DPP6: variants seen among roughly 807,000 people sequenced by gnomAD.
DPP6 encodes dipeptidyl peptidase like 6.
Under a neutral mutation model 122.6 loss-of-function variants are expected in DPP6, and 69 were observed. That is an observed-to-expected ratio of 0.56 (90% CI 0.46 to 0.69). The LOEUF (loss-of-function observed/expected upper bound fraction) is 0.69, where lower values mean the gene tolerates loss of function less well. DPP6 is among the 30% of genes least tolerant of loss of function. The pLI is 0.00. For missense variants in DPP6, 928 were observed against 1,116.9 expected (o/e 0.83, Z 2.41); for synonymous variants, 418 against 433.1 (o/e 0.97, Z 0.43).
chr7:153,958,594 C>G (rs1795189996), intron 1 of DPP6, among the ~76,000 whole-genome samples: 1 of 152,142 alleles, frequency 6.6e-6, no homozygotes, highest in Admixed American at 6.5e-5. Context: ...TACACTGATT[C>G]CTGTTGAGTC....
At chr7:154,523,465 A>G (rs1827162365) in intron 3 of DPP6, among the ~76,000 whole-genome samples, 1 of 152,118 alleles carries the variant, frequency 6.6e-6, no homozygotes, top group Non-Finnish European at 1.5e-5. Flanking sequence ...ATACATCCAC[A>G]GGAACATCAT....
chr7:154,795,924 T>C (rs1190406091), intron 12 of DPP6, 41 bp downstream of exon 12: 2 of 1,596,940 alleles, frequency 1.3e-6, no homozygotes, highest in Non-Finnish European at 8.5e-7. Context: ...CACCTCCACC[T>C]GATCCACCCC....
intron 14 of DPP6, 34 bp downstream of exon 14, chr7:154,803,989 T>C (rs1798539781): frequency 6.2e-7 from 1 of 1,606,560 alleles, no homozygotes; most frequent in South Asian, 1.1e-5. Context: ...CCCATCTTAC[T>C]GGCCAATGGG....
chr7:154,389,295 A>G (rs1000495626), intron 1 of DPP6, among the ~76,000 whole-genome samples: 5 of 152,176 alleles, frequency 3.3e-5, no homozygotes, highest in Admixed American at 3.3e-4. Flanking sequence ...TAAGATAAGG[A>G]AGTTTAATGG....
intron 18 of DPP6, among the ~76,000 whole-genome samples, chr7:154,869,358 A>G (rs894895614): frequency 6.6e-6 from 1 of 152,260 alleles, no homozygotes; most frequent in African/African-American, 2.4e-5. Context: ...AGGTCCCCCA[A>G]ACAGTACGTG....
chr7:154,012,785 G>C (rs57516123), intron 1 of DPP6, among the ~76,000 whole-genome samples: 32,356 of 152,052 alleles, frequency 0.21, 3,786 homozygotes, highest in African/African-American at 0.3. Context: ...TTGGCAGTTT[G>C]CTTATCTTTT....
intron 1 of DPP6, among the ~76,000 whole-genome samples, chr7:153,971,043 T>C (rs1401267972): frequency 6.6e-6 from 1 of 152,196 alleles, no homozygotes; most frequent in Non-Finnish European, 1.5e-5. Flanking sequence ...ATATTAAGAT[T>C]GCATTAACTC....
chr7:154,412,158 C>T (rs1289714389), intron 1 of DPP6, among the ~76,000 whole-genome samples: 1 of 152,158 alleles, frequency 6.6e-6, no homozygotes, highest in Non-Finnish European at 1.5e-5. Context: ...GGGTTCTGCC[C>T]TCATGCCCTC....
intron 1 of DPP6, among the ~76,000 whole-genome samples, chr7:153,923,886 A>G (rs1800766301): frequency 6.6e-6 from 1 of 152,030 alleles, no homozygotes; most frequent in Non-Finnish European, 1.5e-5. Flanking sequence ...GGATCCCTTT[A>G]AATATCAAGT....
chr7:154,834,973 A>G (rs574399355), intron 16 of DPP6, among the ~76,000 whole-genome samples: 1 of 152,158 alleles, frequency 6.6e-6, no homozygotes, highest in Non-Finnish European at 1.5e-5. Context: ...TAAGTATGAT[A>G]TGTAAGGGAA....
chr7:154,060,782 G>A (rs10257667), intron 1 of DPP6, among the ~76,000 whole-genome samples: 4,477 of 115,838 alleles, frequency 0.039, 241 homozygotes, highest in African/African-American at 0.067. Context: ...TGGCTCTTAG[G>A]ACGCCCATCA....
chr7:154,792,563 C>T (rs1465552311), intron 10 of DPP6, among the ~76,000 whole-genome samples: 1 of 152,222 alleles, frequency 6.6e-6, no homozygotes, highest in African/African-American at 2.4e-5. Context: ...TAGAATGTTG[C>T]TGGCAGGATG....
At chr7:154,758,373 A>AT (rs10632379) in intron 8 of DPP6, among the ~76,000 whole-genome samples, 5,917 of 143,602 alleles carry the variant, frequency 0.041, 201 homozygotes, top group Middle Eastern at 0.075. Flanking sequence ...GGAAATACAG[A>AT]TTTTTTTTTT....
chr7:154,030,106 G>A, intron 1 of DPP6, among the ~76,000 whole-genome samples: 1 of 152,080 alleles, frequency 6.6e-6, no homozygotes, highest in East Asian at 1.9e-4. Flanking sequence ...TGCAGTGGGA[G>A]GATCACTCCA....
intron 16 of DPP6, among the ~76,000 whole-genome samples, chr7:154,823,606 C>T (rs184147662): frequency 6.6e-6 from 1 of 152,312 alleles, no homozygotes; most frequent in East Asian, 1.9e-4. Context: ...TTGTATGGAT[C>T]TCATCGTGTG....
intron 1 of DPP6, among the ~76,000 whole-genome samples, chr7:154,395,058 C>G (rs1463108114): frequency 6.6e-6 from 1 of 152,156 alleles, no homozygotes; most frequent in African/African-American, 2.4e-5. Flanking sequence ...TTATTTCTCA[C>G]CATTCTGGAG....
chr7:154,262,821 G>A (rs1417567323), intron 1 of DPP6, among the ~76,000 whole-genome samples: 1 of 152,098 alleles, frequency 6.6e-6, no homozygotes, highest in Non-Finnish European at 1.5e-5. Context: ...GCCCAGCTGA[G>A]GATAGCTTCT....
intron 1 of DPP6, among the ~76,000 whole-genome samples, chr7:154,362,804 T>C (rs1016738614): frequency 6.6e-6 from 1 of 152,204 alleles, no homozygotes; most frequent in African/African-American, 2.4e-5. Context: ...GTTATTCTGA[T>C]GAGGCAGCCA....
chr7:154,254,667 G>T (rs1802547273), intron 1 of DPP6, among the ~76,000 whole-genome samples: 1 of 152,140 alleles, frequency 6.6e-6, no homozygotes, highest in Non-Finnish European at 1.5e-5. Context: ...GACTTGATGT[G>T]TATGGGTAGT....
Sources: gnomAD v4.1 joint callset for allele counts (sites outside exome capture counted in the v4.1 genomes callset) on GRCh38, gnomAD v4.1.1 for gene constraint, MANE v1.5 for transcripts, NCBI Gene and HGNC (gene_info 2026-07-23, HGNC 2026-07-21) for gene names.